Variants in ZFR2 observed in about 807,000 individuals in gnomAD.
ZFR2 encodes the protein zinc finger RNA-binding protein 2.
In ZFR2, 104 loss-of-function variants were observed where a neutral mutation model predicts 105.7. The ratio of observed to expected loss-of-function variants is 0.98; its 90% CI spans 0.84 to 1.16. ZFR2 has a LOEUF of 1.16. Ranked by LOEUF, ZFR2 falls within the 50% of genes most tolerant of loss-of-function variation. ZFR2 has a pLI of 0.00. For synonymous variants in ZFR2, 634 were observed against 597.7 expected (o/e 1.06, Z -0.89); for missense variants, 1,425 against 1,355.5 (o/e 1.05, Z -0.80).
At chr19:3,868,938 C>A (rs927324948) in intron 1 of ZFR2, 27 bp downstream of exon 1, 1 of 1,287,818 alleles carries the variant, frequency 7.8e-7, no homozygotes, top group Non-Finnish European at 9.9e-7. Context: ...CCGGGACTGG[C>A]GGGGGCTGGC....
chr19:3,816,365 C>T (rs905763033), intron 13 of ZFR2, among the ~76,000 whole-genome samples: 2 of 151,522 alleles, frequency 1.3e-5, no homozygotes, highest in Non-Finnish European at 2.9e-5. Flanking sequence ...CCCACTTCAG[C>T]CTCCCACATA....
intron 1 of ZFR2, among the ~76,000 whole-genome samples, chr19:3,846,273 G>A (rs1470709839): frequency 6.6e-6 from 1 of 152,234 alleles, no homozygotes; most frequent in African/African-American, 2.4e-5. Flanking sequence ...CACTGCACCT[G>A]GCCCATTTTT....
intron 1 of ZFR2, chr19:3,855,611 C>G: frequency 2.2e-6 from 1 of 460,632 alleles, no homozygotes; most frequent in Middle Eastern, 5.8e-4. Context: ...TCAACGCGAT[C>G]TGATGGTTCT....
intron 1 of ZFR2, among the ~76,000 whole-genome samples, chr19:3,841,622 C>T (rs1052685345): frequency 6.6e-6 from 1 of 152,036 alleles, no homozygotes; most frequent in East Asian, 2.0e-4. Flanking sequence ...GAATTTGAGA[C>T]ATAGCCAGAC....
At chr19:3,866,891 C>G (rs142787104) in intron 1 of ZFR2, among the ~76,000 whole-genome samples, 21 of 152,314 alleles carry the variant, frequency 1.4e-4, no homozygotes, top group African/African-American at 4.8e-4. Context: ...GATTCTTTCC[C>G]TAATAGGAAA....
rs1568422118 is a variant in ZFR2, at chr19:3,823,625, CG to C, written c.1214-223del. ...AAACCGAGGCCAATTTCAATCCATC[CG>C]GGGAGAAGCCCTGGTTTTAGGCCCT... On this transcript the variant is annotated intron_variant, in intron 7 of 18. Coordinates refer to ENST00000262961, the MANE Select transcript of ZFR2 (RefSeq NM_015174.2). The surrounding 1 kb of genome is among the most constrained non-coding windows in gnomAD (Gnocchi z 5.4). 6.6e-6 allele frequency among the ~76,000 whole-genome samples: 1 copy of C among 152,114 alleles called. No individual in the cohort carries two copies. Among genetic ancestry groups the C allele is most frequent in the Non-Finnish European group, 1.5e-5 (1 of 68,018 alleles).
At chr19:3,855,436 G>A (rs2038286407) in intron 1 of ZFR2, 23 of 1,231,586 alleles carry the variant, frequency 1.9e-5, no homozygotes, top group South Asian at 4.1e-5. Context: ...GGGCGATCCG[G>A]CGGCAGATTC....
chr19:3,824,450 G>A (rs1487013564), intron 7 of ZFR2, among the ~76,000 whole-genome samples: 2 of 152,196 alleles, frequency 1.3e-5, no homozygotes, highest in African/African-American at 4.8e-5. Context: ...GGGAAGGTAG[G>A]GTCACAGGCA....
chr19:3,823,157 C>G lies in ZFR2; in HGVS notation c.1371+89G>C. On this transcript the variant is annotated intron_variant, in intron 8 of 18. Transcript: ENST00000262961. This position sits in a 1 kb window ranked among gnomAD's most constrained non-coding sequence, Gnocchi z 5.4. ...AACGGGGATGGGTCTGTAAATCTCG[C>G]TGGGAGAAGCCGGGTGAGGTCTCGA... 2 of 1,583,414 alleles carry G rather than the reference C, an allele frequency of 1.3e-6. No homozygotes were observed. Among genetic ancestry groups the G allele is most frequent in the Admixed American group, 1.7e-5 (1 of 59,384 alleles).
intron 1 of ZFR2, among the ~76,000 whole-genome samples, chr19:3,845,970 G>A (rs1599247422): frequency 6.6e-6 from 1 of 152,150 alleles, no homozygotes; most frequent in Non-Finnish European, 1.5e-5. Flanking sequence ...AAATGATATG[G>A]AAATCTTTTT....
intron 1 of ZFR2, among the ~76,000 whole-genome samples, chr19:3,861,024 G>T (rs1288994907): frequency 6.6e-6 from 1 of 152,082 alleles, no homozygotes; most frequent in Admixed American, 6.5e-5. Context: ...CATGGCAAGG[G>T]CCTGGGGACA....
At chr19:3,855,274 A>G in intron 1 of ZFR2, 1 of 792,438 alleles carries the variant, frequency 1.3e-6, no homozygotes, top group Non-Finnish European at 1.7e-6. Context: ...TTGCATTTTC[A>G]GAACAAAGGA....
At chr19:3,807,077 GA>G in intron 18 of ZFR2, 94 bp downstream of exon 18, 1 of 936,506 alleles carries the variant, frequency 1.1e-6, no homozygotes. Flanking sequence ...GGGAGGGAGA[GA>G]AGGGGAAACC....
intron 1 of ZFR2, chr19:3,855,520 G>C (rs1033692202): frequency 8.8e-7 from 1 of 1,131,034 alleles, no homozygotes; most frequent in East Asian, 3.2e-5. Context: ...TCACAGCAGC[G>C]GGGAATAACC....
Position 3,831,751 on chromosome 19 carries a change from G to C in ZFR2, c.507C>G (p.Pro169=), listed in dbSNP as rs374877810. 72 of 1,608,330 alleles carry C rather than the reference G, an allele frequency of 4.5e-5. No individual in the cohort carries two copies. The highest frequency in any genetic ancestry group is 5.7e-5 in the Non-Finnish European group (67 of 1,177,832). ...ACTCGGGCTGGACGCCTGTCGCCGTGGGGTAGGTGTATCCCGAGGACAAGG... is the reference window on the plus strand; with the variant it reads ...ACTCGGGCTGGACGCCTGTCGCCGTCGGGTAGGTGTATCCCGAGGACAAGG... The part of the protein sequence containing the change: ...ASTLSSGYTY[P]TATGVQPESS... The change falls in exon 4 of 19, where the codon CCC becomes CCG. Residue 169 remains proline (P), a synonymous_variant. Coordinates refer to ENST00000262961, the MANE Select transcript of ZFR2 (RefSeq NM_015174.2).
chr19:3,843,876 A>G (rs1265998610), intron 1 of ZFR2, among the ~76,000 whole-genome samples: 1 of 151,946 alleles, frequency 6.6e-6, no homozygotes, highest in Non-Finnish European at 1.5e-5. Context: ...AAGTCCTGAC[A>G]TAGGCTACAA....
chr19:3,831,373 G>T lies in ZFR2; in HGVS notation c.782C>A (p.Pro261His). 1 of 1,557,966 alleles carries T rather than the reference G, an allele frequency of 6.4e-7. No homozygotes were observed. The highest frequency in any genetic ancestry group is 8.7e-7 in the Non-Finnish European group (1 of 1,152,984). Residue 261 changes from proline (P) to histidine (H), a missense_variant, in exon 5 of 19, where the codon CCC becomes CAC. Pro to His is a moderately conservative substitution (Grantham distance 77). Transcript: ENST00000262961. ...KPPLPSKLPR[P>H]KAGPRQLQLH... ...CTGGAGCTGCCTGGGCCCCGCCTTG[G>T]GTCTCGGCAGCTTGCTGGGAAGCGG...
At chr19:3,828,525 G>A (rs1271848231) in intron 5 of ZFR2, among the ~76,000 whole-genome samples, 18 of 152,168 alleles carry the variant, frequency 1.2e-4, no homozygotes, top group African/African-American at 3.9e-4. Context: ...CCGAAGGATA[G>A]TCACGTACAC....
chr19:3,856,791 C>T (rs1169365599), intron 1 of ZFR2, among the ~76,000 whole-genome samples: 1 of 152,138 alleles, frequency 6.6e-6, no homozygotes, highest in Non-Finnish European at 1.5e-5. Context: ...AGTGCAATGG[C>T]GCCATCTCGG....
Sources: gnomAD v4.1 joint callset for allele counts (sites outside exome capture counted in the v4.1 genomes callset) on GRCh38, gnomAD v4.1.1 for gene constraint, Gnocchi (gnomAD v3.1) non-coding constraint, MANE v1.5 for transcripts, NCBI Gene and HGNC (gene_info 2026-07-23, HGNC 2026-07-21) for gene names.